YIPF7: variants seen among roughly 807,000 people sequenced by gnomAD.
YIPF7 encodes protein YIPF7.
YIPF7 carries 35 observed loss-of-function variants against 27.2 expected under a neutral mutation model. The observed-to-expected ratio is 1.29, with a 90% confidence interval of 0.98 to 1.70. The LOEUF (loss-of-function observed/expected upper bound fraction) is 1.70. YIPF7 is among the 40% of genes most tolerant of loss of function. The probability of loss-of-function intolerance (pLI) is 0.00; values close to 1 mark genes in which losing one functional copy is unlikely to be tolerated. For missense variants in YIPF7, 358 were observed against 303.7 expected (o/e 1.18, Z -1.33); for synonymous variants, 137 against 110.4 (o/e 1.24, Z -1.51).
chr4:44,661,937 A>G (rs1714050292), intron 1 of YIPF7, among the ~76,000 whole-genome samples: 1 of 152,236 alleles, frequency 6.6e-6, no homozygotes, highest in Non-Finnish European at 1.5e-5. Flanking sequence ...GGCACTCACA[A>G]CTTTGAATCC....
chr4:44,624,238 A>C (rs1394764956), intron 5 of YIPF7, among the ~76,000 whole-genome samples: 2 of 151,524 alleles, frequency 1.3e-5, no homozygotes, highest in African/African-American at 4.9e-5. Flanking sequence ...CTAATTTTGT[A>C]TTTTTAGTAG....
chr4:44,626,910 G>C (rs1292248009), intron 4 of YIPF7, among the ~76,000 whole-genome samples: 4 of 150,622 alleles, frequency 2.7e-5, no homozygotes, highest in Non-Finnish European at 1.5e-5. Flanking sequence ...CGCGTAGCTG[G>C]GACTACAGGT....
At chr4:44,627,074 A>G (rs893516559) in intron 4 of YIPF7, among the ~76,000 whole-genome samples, 3 of 151,832 alleles carry the variant, frequency 2.0e-5, no homozygotes, top group Non-Finnish European at 4.4e-5. Context: ...GAGCCACCGC[A>G]CCAGGCCCCA....
chr4:44,636,395 G>T (rs1225006339), intron 2 of YIPF7, among the ~76,000 whole-genome samples: 1 of 152,096 alleles, frequency 6.6e-6, no homozygotes, highest in Admixed American at 6.5e-5. Flanking sequence ...CCATTTTACA[G>T]AAAAAGACAT....
intron 5 of YIPF7, among the ~76,000 whole-genome samples, 153 bp from the exon 6 acceptor site, chr4:44,622,729 C>A (rs1712487284): frequency 6.6e-6 from 1 of 152,108 alleles, no homozygotes; most frequent in East Asian, 1.9e-4. Context: ...AAGCCCTTGG[C>A]CAGTTAGGCA....
intron 2 of YIPF7, among the ~76,000 whole-genome samples, chr4:44,638,735 C>T (rs1336398953): frequency 7.2e-5 from 11 of 152,150 alleles, no homozygotes; most frequent in Admixed American, 7.2e-4. Flanking sequence ...GTTTCCTATG[C>T]TTTTGAGGTC....
rs1490696371 is a variant in YIPF7 at position 44,635,816 on chromosome 4, C to T, written c.280+106G>A. The T allele has an allele frequency of 7.1e-6, 9 of 1,274,460 alleles. No individual in the cohort carries two copies. In the East Asian group the frequency reaches 1.7e-4, roughly 24 times the overall value. The allele number at this position is 1,274,460 out of a possible 1,614,324, so 78.9% of individuals were successfully genotyped here. A position where few individuals can be genotyped will look rare whatever the true frequency, so the allele number is the denominator to read the frequency against. ...AAACTCTTGTTATATGTGAAACAAT[C>T]AAACATAAGACACTGTACACTGCAG... is the stretch of plus-strand genomic sequence containing the variant. On this transcript the variant is annotated intron_variant, in intron 3 of 5. Transcript: ENST00000415895.
chr4:44,627,394 C>T (rs1012184441), intron 4 of YIPF7, among the ~76,000 whole-genome samples: 1 of 152,108 alleles, frequency 6.6e-6, no homozygotes, highest in African/African-American at 2.4e-5. Flanking sequence ...GACTATGACT[C>T]TTATGTCTCC....
At chr4:44,654,428 T>C (rs1426410740), upstream of YIPF7, among the ~76,000 whole-genome samples, 1 of 151,830 alleles carries the variant, frequency 6.6e-6, no homozygotes, top group African/African-American at 2.4e-5. Context: ...TTTCCTTCCT[T>C]CTCGTTTTCT....
At chr4:44,625,365 A>G (rs919702666) in intron 4 of YIPF7, among the ~76,000 whole-genome samples, 1 of 152,180 alleles carries the variant, frequency 6.6e-6, no homozygotes, top group Non-Finnish European at 1.5e-5. Flanking sequence ...ACGCTAAGCA[A>G]TGGAGGTTGG....
At position 44,635,902 on chromosome 4, in the gene YIPF7, A is replaced by C; in HGVS notation, c.280+20T>G. On this transcript the variant is annotated intron_variant, in intron 3 of 5. Coordinates refer to ENST00000415895, the MANE Select transcript of YIPF7 (RefSeq NM_182592.3). ...TATTCTTCTAGCTGTACACACATTA[A>C]TAACACTTCCTTAACTTATCTTCTA... 1 of 1,612,750 alleles carries C rather than the reference A, an allele frequency of 6.2e-7. No individual in the cohort carries two copies. Among genetic ancestry groups the C allele is most frequent in the Non-Finnish European group, 8.5e-7 (1 of 1,179,248 alleles).
intron 4 of YIPF7, chr4:44,629,108 GT>G (rs1712780840): frequency 4.2e-6 from 1 of 235,920 alleles, no homozygotes; most frequent in Admixed American, 5.6e-5. Context: ...CCAAATCTAT[GT>G]TTTCCTTCCA....
At chr4:44,645,514 T>C (rs1453328005) in intron 2 of YIPF7, among the ~76,000 whole-genome samples, 1 of 152,214 alleles carries the variant, frequency 6.6e-6, no homozygotes, top group Non-Finnish European at 1.5e-5. Flanking sequence ...CAACGTTATA[T>C]ATTTGTACCT....
intron 4 of YIPF7, among the ~76,000 whole-genome samples, chr4:44,625,757 C>T (rs1712612656): frequency 6.6e-6 from 1 of 152,152 alleles, no homozygotes; most frequent in Admixed American, 6.5e-5. Flanking sequence ...AGTACTATTA[C>T]TTACAGCGTA....
chr4:44,642,990 C>T (rs180856237), intron 2 of YIPF7, among the ~76,000 whole-genome samples: 2 of 152,206 alleles, frequency 1.3e-5, no homozygotes, highest in Admixed American at 6.5e-5. Context: ...CATTGCTATA[C>T]AGATACTTGG....
intron 2 of YIPF7, among the ~76,000 whole-genome samples, chr4:44,646,582 CTA>C (rs1713532454): frequency 6.6e-6 from 1 of 152,014 alleles, no homozygotes; most frequent in African/African-American, 2.4e-5. Flanking sequence ...CAGTGACTAC[CTA>C]TAGATGGTTG....
intron 3 of YIPF7, 22 bp from the exon 4 acceptor site, chr4:44,629,570 A>C: frequency 1.3e-6 from 2 of 1,486,110 alleles, no homozygotes; most frequent in Non-Finnish European, 9.0e-7. Flanking sequence ...AAAAAAGATA[A>C]ATAATATGAT....
At chr4:44,632,885 C>T (rs932383007) in intron 3 of YIPF7, among the ~76,000 whole-genome samples, 2 of 152,112 alleles carry the variant, frequency 1.3e-5, no homozygotes, top group African/African-American at 4.8e-5. Context: ...ATACAGGTGT[C>T]CCCAATCCCC....
At chr4:44,631,269 C>T (rs764263806) in intron 3 of YIPF7, among the ~76,000 whole-genome samples, 11 of 152,084 alleles carry the variant, frequency 7.2e-5, no homozygotes, top group Admixed American at 1.3e-4. Context: ...TTTAAATGAG[C>T]CCAATTCTTC....
Sources: gnomAD v4.1 joint callset for allele counts (sites outside exome capture counted in the v4.1 genomes callset) on GRCh38, gnomAD v4.1.1 for gene constraint, MANE v1.5 for transcripts, NCBI Gene and HGNC (gene_info 2026-07-23, HGNC 2026-07-21) for gene names.